RSPH3: variants seen among roughly 807,000 people sequenced by gnomAD.
The protein encoded by RSPH3 is radial spoke head protein 3 homolog.
A neutral mutation model predicts 43.8 loss-of-function variants in RSPH3; 21 were observed. The ratio of observed to expected loss-of-function variants is 0.48; its 90% CI spans 0.34 to 0.69. The LOEUF (loss-of-function observed/expected upper bound fraction) is 0.69. Ranked by LOEUF, RSPH3 falls within the 30% of genes least tolerant of loss-of-function variation. The pLI is 0.01. For missense variants in RSPH3, 487 were observed against 516.0 expected (o/e 0.94, Z 0.54); for synonymous variants, 173 against 179.8 (o/e 0.96, Z 0.30).
At chr6:158,993,970 G>T in intron 1 of RSPH3, 44 bp from the exon 2 acceptor site, 2 of 999,398 alleles carry the variant, frequency 2.0e-6, no homozygotes, top group South Asian at 1.4e-5. Context: ...ATAGAGTATT[G>T]GTATCTATGA....
At chr6:158,980,161 C>T (rs550718355) in intron 6 of RSPH3, among the ~76,000 whole-genome samples, 3 of 152,242 alleles carry the variant, frequency 2.0e-5, no homozygotes, top group East Asian at 1.9e-4. Context: ...AGGCTGGGCA[C>T]GAGTGGCTCA....
At chr6:158,964,935 C>A in the RSPH3 span, among the ~76,000 whole-genome samples, 1 of 152,122 alleles carries the variant, frequency 6.6e-6, no homozygotes, top group African/African-American at 2.4e-5. Context: ...TGAGTTCTAG[C>A]TCTTACACTT....
In RSPH3 at chr6:158,977,605, C is replaced by T. The variant is rs752468429; in HGVS notation, c.1190G>A (p.Arg397Lys). The T allele has an allele frequency of 1.9e-6, 3 of 1,613,982 alleles. No homozygotes were observed. Among genetic ancestry groups the T allele is most frequent in the Non-Finnish European group, 2.5e-6 (3 of 1,180,028 alleles). ...SSQERKFMEE[R>K]ELLGQDEETA... ...TTCTTCATCTTGCCCTAAGAGTTCT[C>T]TCTCTTCCATAAACTTCCTTTCCTG... Residue 397 changes from arginine to lysine, a missense_variant, in exon 8 of 8, where the codon AGA becomes AAA. Arg to Lys is a conservative substitution (Grantham distance 26). Transcript: ENST00000367069.
Position 158,999,869 on chromosome 6 carries a change from A to C in RSPH3, c.-319T>G. The C allele has an allele frequency of 6.2e-7, 1 of 1,613,748 alleles. No homozygotes were observed. On this transcript the variant is annotated 5_prime_UTR_variant, in exon 1 of 8. Coordinates refer to ENST00000367069, the MANE Select transcript of RSPH3 (RefSeq NM_031924.8). ...GTTTCCCGGGAAGGACTGCGGCACA[A>C]GGGACTTCCGGCTCTTGACTCCGCC...
the RSPH3 span, among the ~76,000 whole-genome samples, chr6:158,966,995 A>G: frequency 2.7e-4 from 40 of 150,496 alleles, no homozygotes; most frequent in Non-Finnish European, 5.0e-4. Context: ...AGATGCATCC[A>G]TAAGTTTTGG....
At chr6:158,965,080 T>C in the RSPH3 span, among the ~76,000 whole-genome samples, 1 of 152,176 alleles carries the variant, frequency 6.6e-6, no homozygotes, top group Admixed American at 6.5e-5. Context: ...TTGAATGATC[T>C]TGAACATATG....
chr6:158,989,934 G>C lies in RSPH3; in HGVS notation c.205-3513C>G, dbSNP rs967113387. Among the ~76,000 whole-genome samples, 2 of 152,098 alleles carry C rather than the reference G, an allele frequency of 1.3e-5. No homozygotes were observed. The highest frequency in any genetic ancestry group is 4.8e-5 in the African/African-American group (2 of 41,398). On this transcript the variant is annotated intron_variant, in intron 2 of 7. Coordinates refer to ENST00000367069, the MANE Select transcript of RSPH3 (RefSeq NM_031924.8). The surrounding 1 kb of genome is among the most constrained non-coding windows in gnomAD (Gnocchi z 4.3). ...GGGAAAGGCAGACCCACCCTTAATC[G>C]GGGTGGGCACAATCTAATCAACTGC...
chr6:158,999,486 G>A lies in RSPH3; in HGVS notation c.65C>T (p.Pro22Leu). ...APSTYTYTSRPRALPCQRSRY... is the reference protein window; with the variant it reads ...APSTYTYTSRLRALPCQRSRY... The stretch of plus-strand genomic sequence containing the variant: ...GCTGCGCTGGCAGGGCAGTGCTCGG[G>A]GCCGGCTGGTGTAGGTGTAGGTGCT... The change falls in exon 1 of 8, where the codon CCC becomes CTC. Residue 22 changes from proline to leucine, a missense_variant. Transcript: ENST00000367069. 1 of 1,532,724 alleles carries A rather than the reference G, an allele frequency of 6.5e-7. No homozygotes were observed. Among genetic ancestry groups the A allele is most frequent in the Non-Finnish European group, 8.8e-7 (1 of 1,139,362 alleles). The allele number at this position is 1,532,724 out of a possible 1,614,324, so 94.9% of individuals were successfully genotyped here.
the RSPH3 span, among the ~76,000 whole-genome samples, chr6:158,963,473 C>CCCTTCCCTTCCCTTCCCT: frequency 8.0e-6 from 1 of 124,888 alleles, no homozygotes; most frequent in African/African-American, 2.9e-5. Context: ...CTCCCCTCCT[C>CCCTTCCCTTCCCTTCCCT]TCCCTTCCCT....
intron 2 of RSPH3, 96 bp downstream of exon 2, chr6:158,993,743 T>C (rs1778497130): frequency 1.5e-6 from 1 of 658,196 alleles, no homozygotes; most frequent in Non-Finnish European, 2.6e-6. Context: ...TATGAATGTT[T>C]TAGTCTGCAA....
chr6:158,970,539 A>C (rs1401032651), downstream of RSPH3, among the ~76,000 whole-genome samples: 2 of 148,770 alleles, frequency 1.3e-5, no homozygotes, highest in Non-Finnish European at 3.0e-5. Context: ...AGAATGTCAA[A>C]GCTTTTCTTT....
chr6:158,969,863 T>G (rs1777674845), downstream of RSPH3, among the ~76,000 whole-genome samples: 6 of 152,276 alleles, frequency 3.9e-5, no homozygotes, highest in South Asian at 1.2e-3. Context: ...TTAAAAAATG[T>G]TTTTTCTCTC....
chr6:158,996,497 G>C (rs1431068649), intron 1 of RSPH3, among the ~76,000 whole-genome samples: 1 of 152,174 alleles, frequency 6.6e-6, no homozygotes, highest in Non-Finnish European at 1.5e-5. Context: ...TTCTGTATTT[G>C]TGTAACTGAC....
rs937936943 is a variant in RSPH3 at position 158,973,307 on chromosome 6, A to T, written c.*4231T>A. 6.6e-6 allele frequency: 1 copy of T among 152,204 alleles called. No individual in the cohort carries two copies. The highest frequency in any genetic ancestry group is 1.5e-5 in the Non-Finnish European group (1 of 68,020). The allele number at this position is 152,204 out of a possible 1,614,324, so 9.4% of individuals were successfully genotyped here. A position where few individuals can be genotyped will look rare whatever the true frequency, so the allele number is the denominator to read the frequency against. ...AAAGCATAGAAAAAAAATCTAGCTG[A>T]TATAGTTGTTATGTTTCAACAACAT... is the stretch of plus-strand genomic sequence containing the variant. On this transcript the variant is annotated 3_prime_UTR_variant, in exon 8 of 8. Coordinates refer to ENST00000367069, the MANE Select transcript of RSPH3 (RefSeq NM_031924.8).
intron 2 of RSPH3, among the ~76,000 whole-genome samples, chr6:158,991,835 C>T (rs1392156473): frequency 1.3e-5 from 2 of 152,148 alleles, no homozygotes. Context: ...TTAACCATTG[C>T]TTCAGACTAA....
At chr6:158,978,450 T>C in intron 6 of RSPH3, 104 bp from the exon 7 acceptor site, 1 of 640,458 alleles carries the variant, frequency 1.6e-6, no homozygotes, top group Non-Finnish European at 2.7e-6. Flanking sequence ...ATATAAAATG[T>C]TAAGTAGACT....
Position 158,999,371 on chromosome 6 carries a change from C to T in RSPH3, c.116+64G>A, listed in dbSNP as rs950390638. ...CAGCTTTTTTGCCAGGGCGAAGGGG[C>T]CAGACCCCGGCCTGGGGATGGGGTG... is the stretch of plus-strand genomic sequence containing the variant. On this transcript the variant is annotated intron_variant, in intron 1 of 7. Transcript: ENST00000367069. 3.5e-6 allele frequency: 5 copies of T among 1,419,912 alleles called. No homozygotes were observed. The African/African-American group carries it at 7.2e-5, about 20-fold the overall frequency. The allele number at this position is 1,419,912 out of a possible 1,614,324, so 88.0% of individuals were successfully genotyped here.
At chr6:158,972,620 T>C (rs1300166412), downstream of RSPH3, among the ~76,000 whole-genome samples, 1 of 152,182 alleles carries the variant, frequency 6.6e-6, no homozygotes, top group Non-Finnish European at 1.5e-5. Flanking sequence ...CAACATACAA[T>C]GATCACAAAA....
chr6:158,986,483 G>A (rs1011730521), intron 2 of RSPH3, 62 bp from the exon 3 acceptor site: 4 of 1,422,722 alleles, frequency 2.8e-6, no homozygotes, highest in Non-Finnish European at 3.8e-6. Flanking sequence ...TACAGGAACT[G>A]CCATTCCAAA....
Sources: gnomAD v4.1 joint callset for allele counts (sites outside exome capture counted in the v4.1 genomes callset) on GRCh38, gnomAD v4.1.1 for gene constraint, Gnocchi (gnomAD v3.1) non-coding constraint, MANE v1.5 for transcripts, NCBI Gene and HGNC (gene_info 2026-07-23, HGNC 2026-07-21) for gene names.